Variants in CNTNAP2 observed in about 807,000 individuals in gnomAD.
The protein encoded by CNTNAP2 is contactin-associated protein-like 2.
CNTNAP2 carries 98 observed loss-of-function variants against 155.2 expected under a neutral mutation model. The ratio of observed to expected loss-of-function variants is 0.63; its 90% CI spans 0.54 to 0.75. The LOEUF is 0.75. Ranked by LOEUF, CNTNAP2 falls within the 30% of genes least tolerant of loss-of-function variation. The pLI, the probability that CNTNAP2 is intolerant of heterozygous loss-of-function variation, is 0.00. For synonymous variants in CNTNAP2, 651 were observed against 631.2 expected (o/e 1.03, Z -0.47); for missense variants, 1,727 against 1,688.1 (o/e 1.02, Z -0.40).
chr7:147,493,690 T>TC (rs1798646952), intron 11 of CNTNAP2, among the ~76,000 whole-genome samples: 1 of 152,216 alleles, frequency 6.6e-6, no homozygotes, highest in Non-Finnish European at 1.5e-5. Flanking sequence ...AGGAATAAAT[T>TC]CTATGTATTC....
rs571978654 is a variant in CNTNAP2 at position 147,745,498 on chromosome 7, A to G, written c.2098+106192A>G. Among the ~76,000 whole-genome samples, 6 of 152,338 alleles carry G rather than the reference A, an allele frequency of 3.9e-5. 1 individual carries two copies. The South Asian group carries it at 1.2e-3, about 32-fold the overall frequency. On this transcript the variant is annotated intron_variant, in intron 13 of 23. Coordinates refer to ENST00000361727, the MANE Select transcript of CNTNAP2 (RefSeq NM_014141.6). ...CCATCAACCAACCCCAATCATAAAC[A>G]TCTTTAGCAGAAGACTGAATTCTCC...
chr7:147,806,061 A>G (rs186357822), intron 13 of CNTNAP2, among the ~76,000 whole-genome samples: 43 of 152,348 alleles, frequency 2.8e-4, no homozygotes, highest in Non-Finnish European at 5.4e-4. Context: ...AAGTGAAGTG[A>G]CAACTTACAG....
intron 1 of CNTNAP2, among the ~76,000 whole-genome samples, chr7:146,425,480 A>G (rs1157549748): frequency 1.3e-5 from 2 of 152,204 alleles, no homozygotes; most frequent in Non-Finnish European, 1.5e-5. Flanking sequence ...AAAAAGAGAA[A>G]CATCTTTGAG....
chr7:146,149,253 A>G (rs1798000014), intron 1 of CNTNAP2, among the ~76,000 whole-genome samples: 2 of 152,128 alleles, frequency 1.3e-5, no homozygotes, highest in Non-Finnish European at 2.9e-5. Flanking sequence ...TATAAGATTG[A>G]CAATATGATC....
intron 2 of CNTNAP2, among the ~76,000 whole-genome samples, chr7:146,811,038 G>T (rs1315158645): frequency 6.6e-6 from 1 of 152,046 alleles, no homozygotes; most frequent in Non-Finnish European, 1.5e-5. Flanking sequence ...CACTTTTTCA[G>T]TGTTTTGTTG....
At chr7:147,102,659 C>T (rs1219474884) in intron 4 of CNTNAP2, among the ~76,000 whole-genome samples, 1 of 152,128 alleles carries the variant, frequency 6.6e-6, no homozygotes, top group East Asian at 1.9e-4. Flanking sequence ...TTTTCAGATT[C>T]TATCTCTAGA....
intron 7 of CNTNAP2, among the ~76,000 whole-genome samples, chr7:147,131,044 A>ATATATATATCTGTATATATATGTG (rs1801342532): frequency 7.0e-6 from 1 of 143,840 alleles, no homozygotes; most frequent in Non-Finnish European, 1.5e-5. Flanking sequence ...ATATATACAC[A>ATATATATATCTGTATATATATGTG]TATATATATG....
intron 12 of CNTNAP2, among the ~76,000 whole-genome samples, chr7:147,608,502 G>A (rs188671313): frequency 4.3e-4 from 65 of 151,888 alleles, no homozygotes; most frequent in African/African-American, 1.3e-3. Flanking sequence ...GAGTCTCACC[G>A]TGTTTCCCAG....
At chr7:146,646,494 A>G (rs1799814415) in intron 1 of CNTNAP2, among the ~76,000 whole-genome samples, 1 of 152,220 alleles carries the variant, frequency 6.6e-6, no homozygotes, top group Non-Finnish European at 1.5e-5. Context: ...TAAATTACAT[A>G]ACATAAATAT....
intron 15 of CNTNAP2, among the ~76,000 whole-genome samples, chr7:148,084,556 T>A (rs1327225267): frequency 6.6e-6 from 1 of 152,200 alleles, no homozygotes; most frequent in African/African-American, 2.4e-5. Flanking sequence ...CTTTCTTTCT[T>A]TTTTCTTTCC....
Position 147,712,751 on chromosome 7 carries a change from G to T in CNTNAP2, c.2098+73445G>T, listed in dbSNP as rs373234007. ...ACACACCGGGGCCTGTCATGGGGTG[G>T]TGGGAGGAGGGAGGGATAGCATTAG... is the stretch of plus-strand genomic sequence containing the variant. On this transcript the variant is annotated intron_variant, in intron 13 of 23. Coordinates refer to ENST00000361727, the MANE Select transcript of CNTNAP2 (RefSeq NM_014141.6). Among the ~76,000 whole-genome samples the T allele has an allele frequency of 1.2e-4, 19 of 152,308 alleles. No homozygotes were observed. In the East Asian group the frequency reaches 3.3e-3, roughly 26 times the overall value.
intron 13 of CNTNAP2, among the ~76,000 whole-genome samples, chr7:147,751,407 A>AG (rs71989855): frequency 1.3e-5 from 2 of 151,772 alleles, no homozygotes; most frequent in African/African-American, 4.8e-5. Flanking sequence ...AAAAAAAAAA[A>AG]AAGGAAATTA....
chr7:146,885,767 T>C (rs1043192295), intron 3 of CNTNAP2, among the ~76,000 whole-genome samples: 8 of 152,168 alleles, frequency 5.3e-5, no homozygotes, highest in African/African-American at 1.9e-4. Flanking sequence ...TCTTGGAGTG[T>C]GCTCTGCCAG....
chr7:147,999,355 C>T (rs1009391596), intron 15 of CNTNAP2, among the ~76,000 whole-genome samples: 1 of 152,156 alleles, frequency 6.6e-6, no homozygotes, highest in African/African-American at 2.4e-5. Context: ...GGATTACAGG[C>T]ATGAGCCACC....
intron 4 of CNTNAP2, among the ~76,000 whole-genome samples, chr7:147,071,281 C>G (rs1799886094): frequency 6.7e-6 from 1 of 148,434 alleles, no homozygotes; most frequent in Non-Finnish European, 1.5e-5. Context: ...TGAAGTGATA[C>G]TTTTAAAGTT....
At chr7:146,611,808 A>G (rs930832716) in intron 1 of CNTNAP2, among the ~76,000 whole-genome samples, 3 of 152,206 alleles carry the variant, frequency 2.0e-5, no homozygotes, top group African/African-American at 7.2e-5. Flanking sequence ...CCTTCAGACT[A>G]TCTTGATATT....
At chr7:147,463,560 T>A (rs555267495) in intron 10 of CNTNAP2, among the ~76,000 whole-genome samples, 2 of 152,334 alleles carry the variant, frequency 1.3e-5, no homozygotes, top group South Asian at 4.1e-4. Context: ...CCAATATCTC[T>A]TGGCCTTCTG....
intron 1 of CNTNAP2, among the ~76,000 whole-genome samples, chr7:146,470,694 C>T (rs565948236): frequency 5.3e-5 from 8 of 152,136 alleles, no homozygotes; most frequent in African/African-American, 9.6e-5. Flanking sequence ...CTCAGCCTCC[C>T]GAGTAGCTGG....
At chr7:146,799,654 G>A (rs115571633) in intron 2 of CNTNAP2, among the ~76,000 whole-genome samples, 2,062 of 152,252 alleles carry the variant, frequency 0.014, 41 homozygotes, top group African/African-American at 0.047. Context: ...CTCTGCAAGC[G>A]TATGACTAAA....
Sources: gnomAD v4.1 joint callset for allele counts (sites outside exome capture counted in the v4.1 genomes callset) on GRCh38, gnomAD v4.1.1 for gene constraint, MANE v1.5 for transcripts, NCBI Gene and HGNC (gene_info 2026-07-23, HGNC 2026-07-21) for gene names.